Variants in LHX3 observed in about 807,000 individuals in gnomAD.
The protein encoded by LHX3 is LIM homeobox 3, also known as LIM/homeobox protein Lhx3.
LHX3 carries 21 observed loss-of-function variants against 32.4 expected under a neutral mutation model. That is an observed-to-expected ratio of 0.65 (90% CI 0.46 to 0.93). LHX3 has a LOEUF of 0.93. LHX3 is among the 40% of genes least tolerant of loss of function. LHX3 has a pLI of 0.00. For missense variants in LHX3, 626 were observed against 560.0 expected (o/e 1.12, Z -1.19); for synonymous variants, 258 against 246.8 (o/e 1.05, Z -0.43).
Position 136,199,614 on chromosome 9 carries a change from G to A in LHX3, c.454+64C>T, listed in dbSNP as rs2274114. 296,872 of 1,552,188 alleles carry A rather than the reference G, an allele frequency of 0.19. 29,399 individuals are homozygous for A. The highest frequency in any genetic ancestry group is 0.27 in the African/African-American group (20,065 of 73,770). Reference sequence around the variant, plus strand: ...GAGAATTTCCCCGGACGCCCCCCTGGGCGTGGCCTCAGCCCCATTTTTTTC... The same window carrying A: ...GAGAATTTCCCCGGACGCCCCCCTGAGCGTGGCCTCAGCCCCATTTTTTTC... On this transcript the variant is annotated intron_variant, in intron 3 of 5. Coordinates refer to ENST00000371748, the MANE Select transcript of LHX3 (RefSeq NM_178138.6).
chr9:136,202,816 G>T, intron 1 of LHX3: 2 of 1,085,448 alleles, frequency 1.8e-6, no homozygotes, highest in South Asian at 2.7e-5. Context: ...GCCCAGGCGC[G>T]GACGTTCCGG....
chr9:136,197,760 G>T lies in LHX3; in HGVS notation c.776-17C>A. 1 of 1,598,836 alleles carries T rather than the reference G, an allele frequency of 6.3e-7. No individual in the cohort carries two copies. On this transcript the variant is annotated splice_polypyrimidine_tract_variant and intron_variant, in intron 5 of 5. Coordinates refer to ENST00000371748, the MANE Select transcript of LHX3 (RefSeq NM_178138.6). ...AAGGCTCATCTGCAACAGAAGCAGA[G>T]GCTCAGTCAGCGCCTGCCCTCCACC...
At chr9:136,200,004 G>A in intron 2 of LHX3, 124 bp from the exon 3 acceptor site, 1 of 1,059,038 alleles carries the variant, frequency 9.4e-7, no homozygotes, top group South Asian at 1.4e-5. Context: ...GTCCGGCCCT[G>A]CAGGGTGGTC....
Position 136,199,068 on chromosome 9 carries a change from C to A in LHX3, c.455-9G>T. 6.7e-7 allele frequency: 1 copy of A among 1,498,226 alleles called. No homozygotes were observed. 92.8% of individuals were successfully genotyped at this position (1,498,226 alleles called of 1,614,324 possible). On this transcript the variant is annotated splice_polypyrimidine_tract_variant and intron_variant, in intron 3 of 5. Coordinates refer to ENST00000371748, the MANE Select transcript of LHX3 (RefSeq NM_178138.6). ...GGCCGTGGCCTCGGCCTCTGCGCGG[C>A]GGGCGAGCGGTGAGGCGCGGCAGCC...
Position 136,198,768 on chromosome 9 carries a change from C to A in LHX3, c.659G>T (p.Gly220Val). 1 of 1,611,162 alleles carries A rather than the reference C, an allele frequency of 6.2e-7. No homozygotes were observed. The highest frequency in any genetic ancestry group is 8.5e-7 in the Non-Finnish European group (1 of 1,179,772). Reference protein sequence around the residue: ...AKEKRLKKDAGRQRWGQYFRN... With the variant: ...AKEKRLKKDAVRQRWGQYFRN... The stretch of plus-strand genomic sequence containing the variant: ...GAAATACTGCCCCCAGCGCTGCCGG[C>A]CGGCGTCCTTCTTCAGCCTCTTCTC... Residue 220 changes from glycine to valine, a missense_variant, in exon 5 of 6, where the codon GGC becomes GTC. Gly to Val is a moderately radical substitution (Grantham distance 109). Coordinates refer to ENST00000371748, the MANE Select transcript of LHX3 (RefSeq NM_178138.6).
chr9:136,199,623 T>C lies in LHX3; in HGVS notation c.454+55A>G, dbSNP rs1046291008. 2.5e-5 allele frequency: 40 copies of C among 1,587,686 alleles called. No individual in the cohort carries two copies. In the Admixed American group the frequency reaches 6.5e-4, roughly 26 times the overall value. The stretch of plus-strand genomic sequence containing the variant: ...CCCGGACGCCCCCCTGGGCGTGGCC[T>C]CAGCCCCATTTTTTTCAGACCAGGA... On this transcript the variant is annotated intron_variant, in intron 3 of 5. Coordinates refer to ENST00000371748, the MANE Select transcript of LHX3 (RefSeq NM_178138.6).
At position 136,196,889 on chromosome 9, in the gene LHX3, G is replaced by A. The variant is rs1012652564; in HGVS notation, c.*436C>T. ...ATCTCCGACCTAAAGAGGGAGCCTC[G>A]GGGTGACGGCTCCAAGACACATGGA... On this transcript the variant is annotated 3_prime_UTR_variant, in exon 6 of 6. Transcript: ENST00000371748. 2.1e-5 allele frequency: 4 copies of A among 190,398 alleles called. No individual in the cohort carries two copies. The highest frequency in any genetic ancestry group is 1.5e-4 in the East Asian group (1 of 6,810). The allele number at this position is 190,398 out of a possible 1,614,324, so 11.8% of individuals were successfully genotyped here.
intron 3 of LHX3, 49 bp from the exon 4 acceptor site, chr9:136,199,108 C>A: frequency 2.5e-6 from 3 of 1,213,064 alleles, no homozygotes; most frequent in South Asian, 2.1e-5. Context: ...CGGCCCCGGC[C>A]GGACCCCCAG....
intron 4 of LHX3, 40 bp from the exon 5 acceptor site, chr9:136,198,860 G>A: frequency 1.3e-6 from 2 of 1,595,852 alleles, no homozygotes; most frequent in Admixed American, 1.7e-5. Flanking sequence ...CGGCTCTGCG[G>A]GGGCCCCCAA....
At chr9:136,201,726 G>C (rs1388145164) in intron 1 of LHX3, 1 of 983,808 alleles carries the variant, frequency 1.0e-6, no homozygotes, top group African/African-American at 1.7e-5. Flanking sequence ...GAAAAAACTG[G>C]GCTGCGCCTC....
chr9:136,201,883 G>A (rs955262693), intron 1 of LHX3, among the ~76,000 whole-genome samples: 2 of 152,176 alleles, frequency 1.3e-5, no homozygotes, highest in African/African-American at 4.8e-5. Context: ...TCGGAGCGGG[G>A]CGGCCCGACA....
rs899692359 is a variant in LHX3, at chr9:136,196,643, T to A, written c.*682A>T. The A allele has an allele frequency of 3.3e-5, 5 of 152,794 alleles. No homozygotes were observed. Among genetic ancestry groups the A allele is most frequent in the African/African-American group, 1.2e-4 (5 of 41,456 alleles). 9.5% of individuals were successfully genotyped at this position (152,794 alleles called of 1,614,324 possible). On this transcript the variant is annotated 3_prime_UTR_variant, in exon 6 of 6. Transcript: ENST00000371748. ...AGGAGACCCTGAGGGGCTTAGAGAA[T>A]TGAGCTTGGAGAGAAGGGGCGCCAG...
chr9:136,197,322 G>A lies in LHX3; in HGVS notation c.*3C>T. On this transcript the variant is annotated 3_prime_UTR_variant, in exon 6 of 6. Transcript: ENST00000371748. ...TGAGGTGCAGGGTGGAGCCGGGCCT[G>A]GGTCAGAACTGAGCGTGGTCTACCT... The A allele has an allele frequency of 2.5e-6, 4 of 1,611,648 alleles. No individual in the cohort carries two copies. Among genetic ancestry groups the A allele is most frequent in the African/African-American group, 2.7e-5 (2 of 75,034 alleles).
At chr9:136,199,551 C>T in intron 3 of LHX3, 127 bp downstream of exon 3, 3 of 1,023,926 alleles carry the variant, frequency 2.9e-6, no homozygotes, top group Non-Finnish European at 4.5e-6. Context: ...GCTGCCTACA[C>T]CGCCCTAGCC....
At chr9:136,200,541 T>G in intron 2 of LHX3, 41 bp downstream of exon 2, 1 of 1,602,736 alleles carries the variant, frequency 6.2e-7, no homozygotes, top group Non-Finnish European at 8.5e-7. Flanking sequence ...GGGGCAGGCG[T>G]GCCCTCCGCT....
rs544689834 is a variant in LHX3, at chr9:136,200,945, C to T, written c.80-192G>A. On this transcript the variant is annotated intron_variant, in intron 1 of 5. Transcript: ENST00000371748. ...GCAAGTTCCGGGAGTGTGCAGGCAC[C>T]GCATCCTATGTCAGGAGCTAAGGGG... Among the ~76,000 whole-genome samples, 4 of 152,316 alleles carry T rather than the reference C, an allele frequency of 2.6e-5. No homozygotes were observed. The East Asian group carries it at 5.8e-4, about 22-fold the overall frequency.
rs1316483506 is a variant in LHX3, at chr9:136,205,034, C to T, written c.-22G>A. 6.4e-7 allele frequency: 1 copy of T among 1,557,658 alleles called. No individual in the cohort carries two copies. Among genetic ancestry groups the T allele is most frequent in the African/African-American group, 1.4e-5 (1 of 74,042 alleles). On this transcript the variant is annotated 5_prime_UTR_variant, in exon 1 of 6. Transcript: ENST00000371748. ...GCATCGCGGCCACCAGGCCGAGTGG[C>T]GCGAGACGCGCTCCTCCTAGGTCAG...
rs774048470 is a variant in LHX3 at position 136,197,721 on chromosome 9, C to T, written c.798G>A (p.Met266Ile). The change falls in exon 6 of 6, where the codon ATG becomes ATA. Residue 266 changes from methionine to isoleucine, a missense_variant. Met to Ile is a conservative substitution (Grantham distance 10). Transcript: ENST00000371748. Reference sequence around the variant, plus strand: ...TCCCGTAGAGGCCATTGGCCGGGCCCATTTCCGCCAAGGAAGGCTCATCTG... The same window carrying T: ...TCCCGTAGAGGCCATTGGCCGGGCCTATTTCCGCCAAGGAAGGCTCATCTG... The part of the protein sequence containing the change: ...SFPDEPSLAE[M>I]GPANGLYGSL... 7 of 1,603,620 alleles carry T rather than the reference C, an allele frequency of 4.4e-6. No individual in the cohort carries two copies. The East Asian group carries it at 6.7e-5, about 15-fold the overall frequency.
Position 136,197,093 on chromosome 9 carries a change from A to C in LHX3, c.*232T>G. ...AAAGGGGAGAAATTTGCTTACAAAA[A>C]AGGCTGGCTTGCTGGGAGGCCACCT... On this transcript the variant is annotated 3_prime_UTR_variant, in exon 6 of 6. Coordinates refer to ENST00000371748, the MANE Select transcript of LHX3 (RefSeq NM_178138.6). The C allele has an allele frequency of 1.7e-6, 1 of 590,496 alleles. No homozygotes were observed. Among genetic ancestry groups the C allele is most frequent in the Non-Finnish European group, 3.0e-6 (1 of 330,626 alleles). 36.6% of individuals were successfully genotyped at this position (590,496 alleles called of 1,614,324 possible). A position where few individuals can be genotyped will look rare whatever the true frequency, so the allele number is the denominator to read the frequency against.
Sources: gnomAD v4.1 joint callset for allele counts (sites outside exome capture counted in the v4.1 genomes callset) on GRCh38, gnomAD v4.1.1 for gene constraint, MANE v1.5 for transcripts, NCBI Gene and HGNC (gene_info 2026-07-23, HGNC 2026-07-21) for gene names.